SPATS2L: variants seen among roughly 807,000 people sequenced by gnomAD.
The protein encoded by SPATS2L is SPATS2-like protein.
Under a neutral mutation model 59.6 loss-of-function variants are expected in SPATS2L, and 30 were observed. The observed-to-expected ratio is 0.50, with a 90% CI of 0.38 to 0.68. The LOEUF (loss-of-function observed/expected upper bound fraction) is 0.68, where lower values mean the gene tolerates loss of function less well. SPATS2L is among the 30% of genes least tolerant of loss of function. SPATS2L has a pLI of 0.00. For missense variants in SPATS2L, 615 were observed against 700.0 expected, an observed-to-expected ratio of 0.88 and a Z score of 1.37; for synonymous variants, 252 against 263.5, an observed-to-expected ratio of 0.96 and a Z score of 0.42.
intron 3 of SPATS2L, among the ~76,000 whole-genome samples, chr2:200,398,798 G>A (rs912580426): frequency 2.6e-5 from 4 of 152,112 alleles, no homozygotes; most frequent in African/African-American, 9.7e-5. Context: ...AGAGAACATG[G>A]GCACCAACCT....
chr2:200,432,962 A>G (rs2084037527), intron 6 of SPATS2L, among the ~76,000 whole-genome samples: 1 of 152,200 alleles, frequency 6.6e-6, no homozygotes, highest in Non-Finnish European at 1.5e-5. Context: ...AGGCAGTCTC[A>G]CATAGGTGTA....
At chr2:200,307,617 A>ACGGGGTTGTCGTAGGATGCGCT in intron 1 of SPATS2L, among the ~76,000 whole-genome samples, 1 of 152,258 alleles carries the variant, frequency 6.6e-6, no homozygotes, top group Non-Finnish European at 1.5e-5. Context: ...CCAGCGGGAG[A>ACGGGGTTGTCGTAGGATGCGCT]CGGGGTTGTC....
intron 3 of SPATS2L, among the ~76,000 whole-genome samples, chr2:200,401,590 G>A (rs2082530683): frequency 6.6e-6 from 1 of 152,122 alleles, no homozygotes; most frequent in African/African-American, 2.4e-5. Context: ...AAAGAGATCT[G>A]TCCTGTGCCA....
intron 7 of SPATS2L, among the ~76,000 whole-genome samples, chr2:200,439,839 ATT>A (rs777579550): frequency 2.0e-5 from 3 of 152,144 alleles, no homozygotes; most frequent in Non-Finnish European, 4.4e-5. Flanking sequence ...GACACGCTGG[ATT>A]TTTATGATTT....
intron 1 of SPATS2L, among the ~76,000 whole-genome samples, chr2:200,320,185 GC>G (rs1336339391): frequency 6.6e-6 from 1 of 152,038 alleles, no homozygotes; most frequent in African/African-American, 2.4e-5. Context: ...TTAGTCAAAT[GC>G]TTTAGTAATG....
intron 6 of SPATS2L, among the ~76,000 whole-genome samples, chr2:200,428,067 C>CA (rs200335139): frequency 9.9e-5 from 11 of 111,424 alleles, no homozygotes; most frequent in South Asian, 6.4e-4. Context: ...GACCGTGTCT[C>CA]AAAAACAAAA....
chr2:200,336,421 C>T (rs1236256493), intron 2 of SPATS2L, among the ~76,000 whole-genome samples: 2 of 151,990 alleles, frequency 1.3e-5, no homozygotes, highest in Non-Finnish European at 2.9e-5. Context: ...AAAAAAGACA[C>T]ATACAAAATG....
intron 12 of SPATS2L, among the ~76,000 whole-genome samples, chr2:200,474,595 G>T (rs1007252126): frequency 1.3e-5 from 2 of 152,258 alleles, no homozygotes; most frequent in East Asian, 3.9e-4. Flanking sequence ...GAGCCACCAT[G>T]CCTGGCCTCT....
intron 2 of SPATS2L, among the ~76,000 whole-genome samples, chr2:200,347,004 G>T (rs1227068609): frequency 6.6e-6 from 1 of 152,140 alleles, no homozygotes; most frequent in Non-Finnish European, 1.5e-5. Context: ...TGAAGCTACT[G>T]CAAAATAACA....
At chr2:200,394,529 T>C (rs887065467) in intron 3 of SPATS2L, among the ~76,000 whole-genome samples, 2 of 152,182 alleles carry the variant, frequency 1.3e-5, no homozygotes, top group Admixed American at 6.5e-5. Flanking sequence ...GGTCTTACTA[T>C]TACTATTCTT....
At chr2:200,333,998 A>G (rs1293725128) in intron 2 of SPATS2L, among the ~76,000 whole-genome samples, 2 of 152,230 alleles carry the variant, frequency 1.3e-5, no homozygotes, top group South Asian at 4.1e-4. Context: ...CATGATTTAT[A>G]ATCCTTTGGG....
rs1032048202 is a variant in SPATS2L, at chr2:200,432,789, T to C, written c.446-6333T>C. On this transcript the variant is annotated intron_variant, in intron 6 of 12. Coordinates refer to ENST00000409140, the MANE Select transcript of SPATS2L (RefSeq NM_001100423.2). ...ATATAATGGATGAAGAAAAAGAAAA[T>C]TTAAGTCATCAGGTGTGCTTAGCAA... Among the ~76,000 whole-genome samples, 5 of 152,122 alleles carry C rather than the reference T, an allele frequency of 3.3e-5. No individual in the cohort carries two copies. The East Asian group carries it at 7.7e-4, about 23-fold the overall frequency.
At chr2:200,364,423 G>C (rs1044706724) in intron 2 of SPATS2L, among the ~76,000 whole-genome samples, 1 of 151,046 alleles carries the variant, frequency 6.6e-6, no homozygotes. Flanking sequence ...CCTTGCCAGC[G>C]TTCAGACGGG....
chr2:200,435,336 G>A (rs1254253131), intron 6 of SPATS2L, among the ~76,000 whole-genome samples: 1 of 152,080 alleles, frequency 6.6e-6, no homozygotes, highest in Non-Finnish European at 1.5e-5. Context: ...AAACTTCTAG[G>A]AGCCATTTTT....
intron 10 of SPATS2L, 48 bp downstream of exon 10, chr2:200,467,447 C>G (rs1355952281): frequency 7.5e-7 from 1 of 1,328,620 alleles, no homozygotes; most frequent in East Asian, 2.3e-5. Flanking sequence ...GAGAGCTGAT[C>G]CCAATTATGT....
intron 9 of SPATS2L, among the ~76,000 whole-genome samples, 175 bp from the exon 10 acceptor site, chr2:200,467,106 AGGAGGAACT>A (rs1406185254): frequency 6.6e-6 from 1 of 152,226 alleles, no homozygotes; most frequent in African/African-American, 2.4e-5. Flanking sequence ...GGAGGAGGAC[AGGAGGAACT>A]GGGTTGTTGG....
intron 1 of SPATS2L, among the ~76,000 whole-genome samples, chr2:200,308,422 T>C (rs2079095914): frequency 6.6e-6 from 1 of 152,220 alleles, no homozygotes; most frequent in Non-Finnish European, 1.5e-5. Context: ...ATATTCTTTG[T>C]TGAATTTTAA....
chr2:200,317,552 G>A (rs1382349029), intron 1 of SPATS2L, among the ~76,000 whole-genome samples: 2 of 152,160 alleles, frequency 1.3e-5, no homozygotes, highest in Non-Finnish European at 2.9e-5. Context: ...TCTGGGGCAA[G>A]GGGCCCAGAT....
rs1553520535 is a variant in SPATS2L, at chr2:200,396,031, A to AAAT, written c.39+6750_39+6751insTAA. Among the ~76,000 whole-genome samples, 44 of 30,968 alleles carry AAAT rather than the reference A, an allele frequency of 1.4e-3. 4 individuals carry two copies. The highest frequency in any genetic ancestry group is 2.0e-3 in the Admixed American group (4 of 2,012). 20.3% of individuals were successfully genotyped at this position (30,968 alleles called of 152,430 possible). On this transcript the variant is annotated intron_variant, in intron 3 of 12. Transcript: ENST00000409140. ...ATCTGGAAAAAAAAAAAAAAAAAAAAAAATATATATATATATATATATATA... is the reference window on the plus strand; with the variant it reads ...ATCTGGAAAAAAAAAAAAAAAAAAAAAATAAATATATATATATATATATATATA...
Sources: gnomAD v4.1 joint callset for allele counts (sites outside exome capture counted in the v4.1 genomes callset) on GRCh38, gnomAD v4.1.1 for gene constraint, MANE v1.5 for transcripts, NCBI Gene and HGNC (gene_info 2026-07-23, HGNC 2026-07-21) for gene names.